Variants in SUZ12 observed in about 807,000 individuals in gnomAD.
SUZ12 encodes polycomb protein SUZ12.
Under a neutral mutation model 87.3 loss-of-function variants are expected in SUZ12, and 17 were observed. The ratio of observed to expected loss-of-function variants is 0.19; its 90% CI spans 0.13 to 0.29. SUZ12 has a LOEUF of 0.29. SUZ12 is among the 10% of genes least tolerant of loss of function. SUZ12 has a pLI of 1.00. For missense variants in SUZ12, 526 were observed against 912.2 expected, an observed-to-expected ratio of 0.58 and a Z score of 5.45; for synonymous variants, 253 against 312.4, an observed-to-expected ratio of 0.81 and a Z score of 2.01.
chr17:31,963,485 T>C (rs537664244), intron 4 of SUZ12, among the ~76,000 whole-genome samples: 2 of 150,852 alleles, frequency 1.3e-5, no homozygotes, highest in East Asian at 3.9e-4. Context: ...TGGTGGTTCT[T>C]AGGTATTTTT....
chr17:31,958,096 G>C, intron 4 of SUZ12, among the ~76,000 whole-genome samples: 1 of 150,648 alleles, frequency 6.6e-6, no homozygotes, highest in Non-Finnish European at 1.5e-5. Context: ...GTAGAGATGG[G>C]GTTTCACCGT....
Position 31,985,278 on chromosome 17 carries a change from C to CA in SUZ12, c.1023+2175dup, listed in dbSNP as rs1231202916. 2.0e-5 allele frequency among the ~76,000 whole-genome samples: 3 copies of CA among 150,978 alleles called. No individual in the cohort carries two copies. The East Asian group carries it at 5.8e-4, about 29-fold the overall frequency. On this transcript the variant is annotated intron_variant, in intron 9 of 15. Transcript: ENST00000322652. ...CAATTCAAATTTTATATTTTTGTCA[C>CA]AGTGTAGTAACTTGTTAACAAAAGA...
At chr17:31,977,045 A>ATTT in intron 8 of SUZ12, among the ~76,000 whole-genome samples, 1 of 152,178 alleles carries the variant, frequency 6.6e-6, no homozygotes. Flanking sequence ...CTCTGGGAGG[A>ATTT]GGTAGTATTT....
intron 3 of SUZ12, among the ~76,000 whole-genome samples, chr17:31,946,646 G>A (rs2627071): frequency 3.9e-5 from 6 of 152,326 alleles, no homozygotes; most frequent in South Asian, 2.1e-4. Flanking sequence ...TTGATGTGGA[G>A]TACATTTGGC....
chr17:31,963,470 TGTG>T (rs970689461), intron 4 of SUZ12, among the ~76,000 whole-genome samples: 1 of 151,222 alleles, frequency 6.6e-6, no homozygotes, highest in Non-Finnish European at 1.5e-5. Flanking sequence ...ATACTTAAGT[TGTG>T]GTGGTGGTTC....
intron 4 of SUZ12, among the ~76,000 whole-genome samples, chr17:31,963,367 T>C (rs1301692443): frequency 6.6e-6 from 1 of 151,986 alleles, no homozygotes; most frequent in Non-Finnish European, 1.5e-5. Context: ...TGGTTCTTGA[T>C]CTCCTGACCT....
intron 1 of SUZ12, among the ~76,000 whole-genome samples, chr17:31,938,196 A>G (rs1047050502): frequency 3.9e-5 from 6 of 152,188 alleles, no homozygotes; most frequent in African/African-American, 1.4e-4. Flanking sequence ...GGAAGGTGAA[A>G]CTGACTTATT....
intron 8 of SUZ12, among the ~76,000 whole-genome samples, chr17:31,977,557 C>T (rs1226992476): frequency 2.6e-5 from 4 of 151,806 alleles, no homozygotes; most frequent in Admixed American, 2.0e-4. Context: ...GGATTACAGG[C>T]GTGAGCCACC....
Position 31,980,429 on chromosome 17 carries a change from CTTTTTTTTTTTTTTTTTTTTT to C in SUZ12, c.918-2553_918-2533del, listed in dbSNP as rs58491591. ...TAAGATATACCAGAATCACCTTCTC[CTTTTTTTTTTTTTTTTTTTTT>C]TTTTTTTTTTTTTTTTGAGACGGAG... On this transcript the variant is annotated intron_variant, in intron 8 of 15. Coordinates refer to ENST00000322652, the MANE Select transcript of SUZ12 (RefSeq NM_015355.4). Among the ~76,000 whole-genome samples, 18 of 53,834 alleles carry C rather than the reference CTTTTTTTTTTTTTTTTTTTTT, an allele frequency of 3.3e-4. 1 individual carries two copies. The highest frequency in any genetic ancestry group is 6.8e-4 in the Admixed American group (2 of 2,948). The allele number at this position is 53,834 out of a possible 152,430, so 35.3% of individuals were successfully genotyped here.
At chr17:31,994,262 T>G in intron 12 of SUZ12, 1 of 454,800 alleles carries the variant, frequency 2.2e-6, no homozygotes, top group Non-Finnish European at 3.8e-6. Context: ...AATTAATGTT[T>G]GTGTAGTGTC....
chr17:31,983,168 T>C, intron 9 of SUZ12, 64 bp downstream of exon 9: 1 of 1,510,762 alleles, frequency 6.6e-7, no homozygotes, highest in Non-Finnish European at 9.0e-7. Context: ...ACTGATGTTT[T>C]CTTCCCCAAA....
At chr17:31,944,330 G>GT (rs2142123802) in intron 3 of SUZ12, among the ~76,000 whole-genome samples, 1 of 152,152 alleles carries the variant, frequency 6.6e-6, no homozygotes, top group South Asian at 2.1e-4. Flanking sequence ...GTTTCTCCAT[G>GT]TTGGTCAGGC....
At chr17:31,989,342 T>G (rs892868467) in intron 10 of SUZ12, among the ~76,000 whole-genome samples, 1 of 152,194 alleles carries the variant, frequency 6.6e-6, no homozygotes, top group African/African-American at 2.4e-5. Flanking sequence ...GTAAAAATTC[T>G]TTATCCAGAA....
intron 4 of SUZ12, among the ~76,000 whole-genome samples, chr17:31,960,242 G>T (rs1028866378): frequency 1.3e-5 from 2 of 151,796 alleles, no homozygotes; most frequent in African/African-American, 4.8e-5. Flanking sequence ...ACGGGGTCTC[G>T]CTCTGTTGCC....
chr17:31,972,010 G>A (rs1908460320), intron 5 of SUZ12, among the ~76,000 whole-genome samples: 2 of 152,084 alleles, frequency 1.3e-5, no homozygotes, highest in African/African-American at 2.4e-5. Context: ...ATGGCCGGGT[G>A]TGGTGGCTCA....
At position 31,998,955 on chromosome 17, in the gene SUZ12, A is replaced by G; in HGVS notation, c.2172A>G (p.Thr724=). Residue 724 remains threonine (T), a synonymous_variant, in exon 16 of 16, where the codon ACA becomes ACG. Coordinates refer to ENST00000322652, the MANE Select transcript of SUZ12 (RefSeq NM_015355.4). ...ACTCAAAAGAGAAAGCTTTGGAAACAGATAGTGTCTCAGGGGTTTCAAAAC... is the reference window on the plus strand; with the variant it reads ...ACTCAAAAGAGAAAGCTTTGGAAACGGATAGTGTCTCAGGGGTTTCAAAAC... ...EINSKEKALE[T]DSVSGVSKQS... is the part of the protein sequence containing the mutation. 1 of 1,604,342 alleles carries G rather than the reference A, an allele frequency of 6.2e-7. No homozygotes were observed. The highest frequency in any genetic ancestry group is 1.7e-5 in the Admixed American group (1 of 57,922).
At chr17:31,970,560 G>A (rs1908366795) in intron 5 of SUZ12, among the ~76,000 whole-genome samples, 1 of 152,004 alleles carries the variant, frequency 6.6e-6, no homozygotes, top group South Asian at 2.1e-4. Context: ...CCTGGGAGGT[G>A]CAGGCTGCAG....
chr17:31,970,078 C>T (rs188839205), intron 5 of SUZ12, among the ~76,000 whole-genome samples: 5 of 152,234 alleles, frequency 3.3e-5, no homozygotes, highest in South Asian at 2.1e-4. Context: ...CCACTGCATC[C>T]GGCCTCTTGT....
intron 10 of SUZ12, among the ~76,000 whole-genome samples, chr17:31,991,085 G>A (rs1909697881): frequency 6.6e-6 from 1 of 152,202 alleles, no homozygotes; most frequent in South Asian, 2.1e-4. Context: ...TAGGTACATT[G>A]TCCTTGACCT....
Sources: gnomAD v4.1 joint callset for allele counts (sites outside exome capture counted in the v4.1 genomes callset) on GRCh38, gnomAD v4.1.1 for gene constraint, MANE v1.5 for transcripts, NCBI Gene and HGNC (gene_info 2026-07-23, HGNC 2026-07-21) for gene names.